Variants in HDAC9 observed in about 807,000 individuals in gnomAD.
HDAC9 encodes the protein histone deacetylase 9.
HDAC9 carries 41 observed loss-of-function variants against 139.4 expected under a neutral mutation model. The ratio of observed to expected loss-of-function variants is 0.29; its 90% CI spans 0.23 to 0.38. The LOEUF (loss-of-function observed/expected upper bound fraction) is 0.38. HDAC9 is among the 10% of genes least tolerant of loss of function. HDAC9 has a pLI of 1.00. For synonymous variants in HDAC9, 517 were observed against 476.2 expected, an observed-to-expected ratio of 1.09 and a Z score of -1.12; for missense variants, 1,147 against 1,297.0, an observed-to-expected ratio of 0.88 and a Z score of 1.78.
At chr7:18,851,677 C>T (rs1210851339) in intron 21 of HDAC9, among the ~76,000 whole-genome samples, 4 of 152,158 alleles carry the variant, frequency 2.6e-5, no homozygotes, top group African/African-American at 4.8e-5. Flanking sequence ...GTTAAGAACA[C>T]ATTTGTACGA....
At chr7:18,748,482 C>A (rs114346158) in intron 13 of HDAC9, among the ~76,000 whole-genome samples, 226 of 152,182 alleles carry the variant, frequency 1.5e-3, no homozygotes, top group African/African-American at 5.3e-3. Context: ...TTTTGAACAA[C>A]CTTGAAGAAA....
chr7:18,535,965 A>C (rs2128593247), intron 2 of HDAC9, among the ~76,000 whole-genome samples: 1 of 152,296 alleles, frequency 6.6e-6, no homozygotes, highest in South Asian at 2.1e-4. Context: ...GAAGCTGTAG[A>C]TGCCCCACTC....
chr7:18,743,763 T>C (rs977444897), intron 13 of HDAC9, among the ~76,000 whole-genome samples: 59 of 152,128 alleles, frequency 3.9e-4, no homozygotes, highest in African/African-American at 1.4e-3. Flanking sequence ...GTAAGTCTTA[T>C]GGATAGATTA....
chr7:18,608,507 T>C (rs1836171202), intron 6 of HDAC9, among the ~76,000 whole-genome samples: 1 of 152,190 alleles, frequency 6.6e-6, no homozygotes, highest in Admixed American at 6.6e-5. Flanking sequence ...CTTATTCATA[T>C]ACAAGATAAA....
chr7:18,424,367 A>C (rs1190509462), intron 1 of HDAC9, among the ~76,000 whole-genome samples: 1 of 152,230 alleles, frequency 6.6e-6, no homozygotes, highest in Non-Finnish European at 1.5e-5. Flanking sequence ...TTGTATAATG[A>C]AAATAATTAT....
rs763033311 is a variant in HDAC9, at chr7:18,996,104, T to C, written c.*42T>C. The C allele has an allele frequency of 8.1e-6, 12 of 1,479,994 alleles. No individual in the cohort carries two copies. The African/African-American group carries it at 8.3e-5, about 10-fold the overall frequency. 91.7% of individuals were successfully genotyped at this position (1,479,994 alleles called of 1,614,324 possible). ...CTGATATTTCCTGTGTGTGACATCA[T>C]TGTGTATCCCCCCACCCCAGTACCC... On this transcript the variant is annotated 3_prime_UTR_variant, in exon 26 of 26. Transcript: ENST00000686413.
chr7:18,719,635 T>G (rs960817853), intron 12 of HDAC9, among the ~76,000 whole-genome samples: 1 of 152,188 alleles, frequency 6.6e-6, no homozygotes, highest in Non-Finnish European at 1.5e-5. Context: ...CCACCTTGCC[T>G]GACTTAAGTA....
intron 6 of HDAC9, among the ~76,000 whole-genome samples, chr7:18,612,029 G>A (rs1297349834): frequency 6.6e-6 from 1 of 152,014 alleles, no homozygotes; most frequent in Non-Finnish European, 1.5e-5. Context: ...GCTGATTATT[G>A]ACAGAATTCT....
intron 6 of HDAC9, among the ~76,000 whole-genome samples, chr7:18,624,252 A>G (rs1460653801): frequency 2.0e-5 from 3 of 152,146 alleles, no homozygotes; most frequent in East Asian, 3.9e-4. Context: ...GACTAGTATG[A>G]GAATGAAGAT....
intron 22 of HDAC9, among the ~76,000 whole-genome samples, chr7:18,908,186 A>C (rs1334256116): frequency 6.6e-6 from 1 of 152,076 alleles, no homozygotes; most frequent in East Asian, 1.9e-4. Context: ...AGCCACATCA[A>C]TTATAGTGCC....
chr7:18,105,586 G>A (rs954468045), intron 1 of HDAC9, among the ~76,000 whole-genome samples: 1 of 144,734 alleles, frequency 6.9e-6, no homozygotes, highest in Non-Finnish European at 1.5e-5. Context: ...TTCTAGATGT[G>A]GATTTCATCT....
intron 8 of HDAC9, among the ~76,000 whole-genome samples, chr7:18,639,031 T>C (rs1584460353): frequency 6.6e-6 from 1 of 152,104 alleles, no homozygotes; most frequent in Non-Finnish European, 1.5e-5. Flanking sequence ...GTAGCCAAGC[T>C]GCTGGTTTAT....
At chr7:18,917,065 T>C (rs1803273453) in intron 22 of HDAC9, among the ~76,000 whole-genome samples, 1 of 152,084 alleles carries the variant, frequency 6.6e-6, no homozygotes, top group African/African-American at 2.4e-5. Flanking sequence ...TCAGTTTCAA[T>C]ATGCTCTTAG....
intron 6 of HDAC9, among the ~76,000 whole-genome samples, chr7:18,608,607 A>G (rs1003210689): frequency 6.6e-6 from 1 of 152,144 alleles, no homozygotes; most frequent in African/African-American, 2.4e-5. Context: ...AAAAGCTGGT[A>G]ATTTTGTCAA....
intron 22 of HDAC9, among the ~76,000 whole-genome samples, chr7:18,904,986 C>T (rs544791440): frequency 1.3e-5 from 2 of 152,178 alleles, no homozygotes; most frequent in African/African-American, 4.8e-5. Context: ...ACAACATCCG[C>T]CTCCAGGGTT....
intron 1 of HDAC9, among the ~76,000 whole-genome samples, chr7:18,379,110 G>A (rs1387717738): frequency 1.3e-5 from 2 of 152,116 alleles, no homozygotes; most frequent in African/African-American, 4.8e-5. Context: ...TAACTTCTCT[G>A]TTTTAAAATA....
At chr7:18,646,188 C>T (rs1787341457) in intron 9 of HDAC9, among the ~76,000 whole-genome samples, 2 of 152,090 alleles carry the variant, frequency 1.3e-5, no homozygotes, top group South Asian at 4.2e-4. Flanking sequence ...TAAATACCAA[C>T]CCAAAAACTT....
intron 22 of HDAC9, among the ~76,000 whole-genome samples, chr7:18,928,429 A>G (rs777066010): frequency 1.3e-5 from 2 of 152,240 alleles, no homozygotes; most frequent in Non-Finnish European, 2.9e-5. Context: ...GGTGAAACAG[A>G]TAAGTTAGCA....
intron 17 of HDAC9, among the ~76,000 whole-genome samples, chr7:18,806,047 A>AAGAGGC: frequency 6.6e-6 from 1 of 152,306 alleles, no homozygotes. Flanking sequence ...AAGGTTTTCA[A>AAGAGGC]TGAGGCTGAA....
Sources: gnomAD v4.1 joint callset for allele counts (sites outside exome capture counted in the v4.1 genomes callset) on GRCh38, gnomAD v4.1.1 for gene constraint, MANE v1.5 for transcripts, NCBI Gene and HGNC (gene_info 2026-07-23, HGNC 2026-07-21) for gene names.